Variants in NT5C1A observed in about 807,000 individuals in gnomAD.
The protein encoded by NT5C1A is 5'-nucleotidase, cytosolic IA, also known as cytosolic 5'-nucleotidase 1A.
NT5C1A carries 18 observed loss-of-function variants against 31.0 expected under a neutral mutation model. That is an observed-to-expected ratio of 0.58 (90% CI 0.40 to 0.86). The LOEUF (loss-of-function observed/expected upper bound fraction) is 0.86, where lower values mean the gene tolerates loss of function less well. NT5C1A is among the 40% of genes least tolerant of loss of function. The pLI is 0.00. For missense variants in NT5C1A, 470 were observed against 505.4 expected (o/e 0.93, Z 0.67); for synonymous variants, 185 against 203.6 (o/e 0.91, Z 0.78).
Position 39,659,238 on chromosome 1 carries a change from C to A in NT5C1A, c.990G>T (p.Gln330His). The change falls in exon 6 of 6, where the codon CAG becomes CAT. Residue 330 changes from glutamine (Q) to histidine (H), a missense_variant. Physicochemically the swap from Gln to His is conservative, Grantham distance 24. Coordinates refer to ENST00000235628, the MANE Select transcript of NT5C1A (RefSeq NM_032526.3). Reference protein sequence around the residue: ...KIRPHIFFDDQMFHVAGAQEM... With the variant: ...KIRPHIFFDDHMFHVAGAQEM... ...CCTGAGCCCCAGCCACATGGAACAT[C>A]TGGTCATCAAAGAAGATGTGTGGGC... 6.2e-7 allele frequency: 1 copy of A among 1,614,142 alleles called. No individual in the cohort carries two copies. The highest frequency in any genetic ancestry group is 8.5e-7 in the Non-Finnish European group (1 of 1,180,048).
At chr1:39,664,490 C>CCTCCTCCTCTCCTCTCCTCTCCTCTCCT (rs1553485420) in intron 3 of NT5C1A, among the ~76,000 whole-genome samples, 5 of 2,900 alleles carry the variant, frequency 1.7e-3, no homozygotes, top group East Asian at 7.8e-3. Context: ...GTGGATTTCT[C>CCTCCTCCTCTCCTCTCCTCTCCTCTCCT]CTCCTCTCCT....
Position 39,665,657 on chromosome 1 carries a change from A to T in NT5C1A, c.304-7T>A. On this transcript the variant is annotated splice_region_variant and splice_polypyrimidine_tract_variant and intron_variant, in intron 2 of 5. Transcript: ENST00000235628. ...TGTTCACGGCCTCCAGAGCCTGGAA[A>T]GGAGAGGGCACCCCCCAGCTTAGAC... 1 of 1,612,638 alleles carries T rather than the reference A, an allele frequency of 6.2e-7. No homozygotes were observed. The highest frequency in any genetic ancestry group is 8.5e-7 in the Non-Finnish European group (1 of 1,179,710).
In NT5C1A at chr1:39,659,075, G is replaced by T; in HGVS notation, c.*46C>A. The T allele has an allele frequency of 6.5e-7, 1 of 1,537,674 alleles. No individual in the cohort carries two copies. On this transcript the variant is annotated 3_prime_UTR_variant, in exon 6 of 6. Coordinates refer to ENST00000235628, the MANE Select transcript of NT5C1A (RefSeq NM_032526.3). ...TCTACCAGAGGAGGTGTCGAAGTAT[G>T]TCAGGGAGCCTGGAGCAATGTGGAT...
chr1:39,659,353 G>A lies in NT5C1A; in HGVS notation c.875C>T (p.Ala292Val), dbSNP rs1355939197. 6.8e-6 allele frequency: 11 copies of A among 1,613,790 alleles called. No homozygotes were observed. Among genetic ancestry groups the A allele is most frequent in the Non-Finnish European group, 9.3e-6 (11 of 1,180,040 alleles). ...GCCCCAGCTGCGCAGGGTCTTGAGAGCCCGGGCCCCGGAACTGGCTGCACT... is the reference window on the plus strand; with the variant it reads ...GCCCCAGCTGCGCAGGGTCTTGAGAACCCGGGCCCCGGAACTGGCTGCACT... ...ARSAASSGAR[A>V]LKTLRSWGLE... Residue 292 changes from alanine (A) to valine (V), a missense_variant, in exon 6 of 6, where the codon GCT (alanine) becomes GTT (valine). By Grantham distance (64) the Ala-to-Val change is moderately conservative (BLOSUM62 0). Transcript: ENST00000235628.
intron 5 of NT5C1A, among the ~76,000 whole-genome samples, chr1:39,660,411 G>T (rs1197462949): frequency 1.3e-5 from 2 of 152,204 alleles, no homozygotes; most frequent in Non-Finnish European, 1.5e-5. Context: ...AAGCTCTAGG[G>T]TATATTCTGT....
rs1463536134 is a variant in NT5C1A, at chr1:39,655,441, T to C, written c.*3680A>G. ...TTTGTAGGTGTTTAGGAAGCTATAATAAAAGCATGCACTCAAATGTATTCC... is the reference window on the plus strand; with the variant it reads ...TTTGTAGGTGTTTAGGAAGCTATAACAAAAGCATGCACTCAAATGTATTCC... On this transcript the variant is annotated 3_prime_UTR_variant, in exon 6 of 6. Coordinates refer to ENST00000235628, the MANE Select transcript of NT5C1A (RefSeq NM_032526.3). 6.6e-6 allele frequency among the ~76,000 whole-genome samples: 1 copy of C among 152,174 alleles called. No homozygotes were observed. Among genetic ancestry groups the C allele is most frequent in the African/African-American group, 2.4e-5 (1 of 41,446 alleles).
chr1:39,665,999 C>T, intron 2 of NT5C1A, 70 bp downstream of exon 2: 3 of 1,444,590 alleles, frequency 2.1e-6, no homozygotes, highest in Non-Finnish European at 2.9e-6. Flanking sequence ...TACTCAAATA[C>T]TCATGGGAGT....
At position 39,661,018 on chromosome 1, in the gene NT5C1A, CA is replaced by C. The variant is rs1431850092; in HGVS notation, c.741+60del. The C allele has an allele frequency of 3.0e-6, 3 of 1,000,886 alleles. No homozygotes were observed. The Admixed American group carries it at 5.8e-5, about 19-fold the overall frequency. 62.0% of individuals were successfully genotyped at this position (1,000,886 alleles called of 1,614,324 possible). On this transcript the variant is annotated intron_variant, in intron 5 of 5. Coordinates refer to ENST00000235628, the MANE Select transcript of NT5C1A (RefSeq NM_032526.3). ...TTGCTTCCAGGCTGGGAGTGCAGGC[CA>C]AGGGCAGGTCTGGGGAGCTGCCTTG...
rs1174005991 is a variant in NT5C1A at position 39,653,267 on chromosome 1, A to C, written c.*5854T>G. On this transcript the variant is annotated 3_prime_UTR_variant, in exon 6 of 6. Coordinates refer to ENST00000235628, the MANE Select transcript of NT5C1A (RefSeq NM_032526.3). ...GGTGGCCCCCAAGCTGCACATACGC[A>C]AATGCCCATGTTATGATGGAAATGG... 6.6e-6 allele frequency among the ~76,000 whole-genome samples: 1 copy of C among 151,956 alleles called. No individual in the cohort carries two copies. The highest frequency in any genetic ancestry group is 2.4e-5 in the African/African-American group (1 of 41,350).
intron 3 of NT5C1A, among the ~76,000 whole-genome samples, chr1:39,664,163 T>C (rs902472487): frequency 1.3e-5 from 2 of 151,866 alleles, no homozygotes; most frequent in African/African-American, 4.8e-5. Context: ...CTTTCTTTTT[T>C]TTCGTTTTGA....
intron 1 of NT5C1A, among the ~76,000 whole-genome samples, chr1:39,670,187 G>A (rs528446998): frequency 9.2e-5 from 14 of 152,228 alleles, no homozygotes; most frequent in African/African-American, 2.4e-4. Flanking sequence ...TGAAACTAGC[G>A]GCTAGAATGC....
rs1646517595 is a variant in NT5C1A at position 39,665,630 on chromosome 1, C to T, written c.324G>A (p.Arg108=). The T allele has an allele frequency of 1.2e-6, 2 of 1,613,204 alleles. No homozygotes were observed. Among genetic ancestry groups the T allele is most frequent in the Non-Finnish European group, 1.7e-6 (2 of 1,179,956 alleles). ...PFVKALEAVN[R]RLRELYPDSE... is the part of the protein sequence containing the mutation. The stretch of plus-strand genomic sequence containing the variant: ...TATCAGGGTACAGCTCCCGCAGCCG[C>T]CTGTTCACGGCCTCCAGAGCCTGGA... Residue 108 remains arginine, a synonymous_variant, in exon 3 of 6, where the codon AGG becomes AGA. Coordinates refer to ENST00000235628, the MANE Select transcript of NT5C1A (RefSeq NM_032526.3).
rs1646438863 is a variant in NT5C1A, at chr1:39,652,775, A to AAG, written c.*6344_*6345dup. On this transcript the variant is annotated 3_prime_UTR_variant, in exon 6 of 6. Coordinates refer to ENST00000235628, the MANE Select transcript of NT5C1A (RefSeq NM_032526.3). ...TTTCACTTTTATAAATGGAATTCCA[A>AAG]AGGCCTCTAGGGGATGGCCCATCAG... Among the ~76,000 whole-genome samples the AAG allele has an allele frequency of 6.6e-6, 1 of 152,010 alleles. No homozygotes were observed. Among genetic ancestry groups the AAG allele is most frequent in the South Asian group, 2.1e-4 (1 of 4,818 alleles).
chr1:39,669,151 C>A (rs1646537649), intron 1 of NT5C1A, among the ~76,000 whole-genome samples: 1 of 152,120 alleles, frequency 6.6e-6, no homozygotes, highest in African/African-American at 2.4e-5. Context: ...GCTCTGAGCT[C>A]CAGGAAACCA....
In NT5C1A at chr1:39,671,921, T is replaced by G. The variant is rs887024631; in HGVS notation, c.118A>C (p.Lys40Gln). 1 of 1,613,552 alleles carries G rather than the reference T, an allele frequency of 6.2e-7. No homozygotes were observed. Residue 40 changes from lysine to glutamine, a missense_variant, in exon 1 of 6, where the codon AAG (lysine) becomes CAG (glutamine). By Grantham distance (53) the Lys-to-Gln change is moderately conservative. Transcript: ENST00000235628. ...AKIFYDNLAP[K>Q]KKPKSPKPQN... ...GCTTTTACCGATTTGGGTTTCTTCT[T>G]GGGCGCGAGGTTGTCGTAGAAAATC... is the stretch of plus-strand genomic sequence containing the variant.
rs1646471620 is a variant in NT5C1A at position 39,657,901 on chromosome 1, C to A, written c.*1220G>T. Reference sequence around the variant, plus strand: ...GCATCACTGTCTCAGTACCTTCTGTCTCACACCAGACCTCCTGACACTTCC... The same window carrying A: ...GCATCACTGTCTCAGTACCTTCTGTATCACACCAGACCTCCTGACACTTCC... On this transcript the variant is annotated 3_prime_UTR_variant, in exon 6 of 6. Transcript: ENST00000235628. Among the ~76,000 whole-genome samples the A allele has an allele frequency of 6.6e-6, 1 of 152,222 alleles. No individual in the cohort carries two copies. Among genetic ancestry groups the A allele is most frequent in the East Asian group, 1.9e-4 (1 of 5,204 alleles).
Position 39,653,777 on chromosome 1 carries a change from G to C in NT5C1A, c.*5344C>G, listed in dbSNP as rs1646446045. ...CTAGATAAAACCCGTGATCTGGGAA[G>C]CCGCCAGCCACACGATGCTATTCAT... On this transcript the variant is annotated 3_prime_UTR_variant, in exon 6 of 6. Coordinates refer to ENST00000235628, the MANE Select transcript of NT5C1A (RefSeq NM_032526.3). 6.6e-6 allele frequency among the ~76,000 whole-genome samples: 1 copy of C among 152,206 alleles called. No homozygotes were observed. Among genetic ancestry groups the C allele is most frequent in the Admixed American group, 6.5e-5 (1 of 15,290 alleles).
At chr1:39,671,429 A>G (rs1646551057) in intron 1 of NT5C1A, among the ~76,000 whole-genome samples, 1 of 152,224 alleles carries the variant, frequency 6.6e-6, no homozygotes, top group African/African-American at 2.4e-5. Context: ...CACTGCCCCC[A>G]GCCCAGGGCC....
chr1:39,654,430 C>T lies in NT5C1A; in HGVS notation c.*4691G>A, dbSNP rs773919036. Among the ~76,000 whole-genome samples the T allele has an allele frequency of 1.3e-5, 2 of 152,192 alleles. No individual in the cohort carries two copies. Among genetic ancestry groups the T allele is most frequent in the Non-Finnish European group, 2.9e-5 (2 of 68,048 alleles). ...ATCCAAAACTCATGTTTAGCTAATG[C>T]GCATCCACCTACTAGGCTGATCATT... is the stretch of plus-strand genomic sequence containing the variant. On this transcript the variant is annotated 3_prime_UTR_variant, in exon 6 of 6. Coordinates refer to ENST00000235628, the MANE Select transcript of NT5C1A (RefSeq NM_032526.3).
Sources: gnomAD v4.1 joint callset for allele counts (sites outside exome capture counted in the v4.1 genomes callset) on GRCh38, gnomAD v4.1.1 for gene constraint, MANE v1.5 for transcripts, NCBI Gene and HGNC (gene_info 2026-07-23, HGNC 2026-07-21) for gene names.